The following C2CD5 variants were observed in gnomAD, a reference collection of about 807,000 sequenced individuals.
C2CD5 encodes the protein C2 domain-containing protein 5.
In C2CD5, 109 loss-of-function variants were observed where a neutral mutation model predicts 130.3. The ratio of observed to expected loss-of-function variants is 0.84; its 90% confidence interval spans 0.72 to 0.98. The LOEUF (loss-of-function observed/expected upper bound fraction) is 0.98. Among genes scored for constraint, C2CD5 ranks in the 50% least tolerant of loss-of-function variants. The probability of loss-of-function intolerance (pLI) is 0.00; values close to 1 mark genes in which losing one functional copy is unlikely to be tolerated. For missense variants in C2CD5, 996 were observed against 1,261.8 expected, an observed-to-expected ratio of 0.79 and a Z score of 3.19; for synonymous variants, 454 against 429.2, an observed-to-expected ratio of 1.06 and a Z score of -0.71.
intron 7 of C2CD5, among the ~76,000 whole-genome samples, chr12:22,520,520 A>G (rs1030258993): frequency 1.3e-5 from 2 of 152,176 alleles, no homozygotes; most frequent in Admixed American, 6.5e-5. Flanking sequence ...ATTTACTATA[A>G]TGGATAAAAA....
chr12:22,471,049 A>C (rs1296325667), intron 20 of C2CD5, 138 bp from the exon 21 acceptor site: 1 of 621,102 alleles, frequency 1.6e-6, no homozygotes, highest in Non-Finnish European at 2.9e-6. Flanking sequence ...AATTATGTAT[A>C]AATTCAAATC....
At chr12:22,515,874 T>C (rs1216031678) in intron 8 of C2CD5, among the ~76,000 whole-genome samples, 1 of 151,866 alleles carries the variant, frequency 6.6e-6, no homozygotes, top group Non-Finnish European at 1.5e-5. Context: ...TAAAATCAGG[T>C]GTCAAATCAA....
rs184153736 is a variant in C2CD5, at chr12:22,468,491, T to C, written c.2533+1218A>G. 2.7e-3 allele frequency among the ~76,000 whole-genome samples: 407 copies of C among 152,318 alleles called. 2 individuals are homozygous for C. Among genetic ancestry groups the C allele is most frequent in the Middle Eastern group, 6.8e-3 (2 of 294 alleles). On this transcript the variant is annotated intron_variant, in intron 22 of 26. Transcript: ENST00000446597. ...CCTCAGCCTCTCAAAGTGCTGGGAT[T>C]ACAGGTATGAGCCAACAGGCCCGGC...
intron 10 of C2CD5, among the ~76,000 whole-genome samples, chr12:22,505,950 G>T (rs1187296949): frequency 6.6e-6 from 1 of 152,060 alleles, no homozygotes; most frequent in Non-Finnish European, 1.5e-5. Context: ...TGACAGAGTG[G>T]AATCCCAGCA....
intron 11 of C2CD5, among the ~76,000 whole-genome samples, chr12:22,490,598 G>A (rs1045732377): frequency 1.3e-5 from 2 of 151,980 alleles, no homozygotes; most frequent in Non-Finnish European, 2.9e-5. Flanking sequence ...AAATGTATAT[G>A]AAGTTTTATT....
intron 14 of C2CD5, 75 bp downstream of exon 14, chr12:22,482,482 T>C: frequency 8.1e-7 from 1 of 1,241,394 alleles, no homozygotes; most frequent in Non-Finnish European, 1.1e-6. Flanking sequence ...TTGAAAAGAC[T>C]ATTTGAATCA....
chr12:22,506,931 C>T, intron 9 of C2CD5, 112 bp from the exon 10 acceptor site: 1 of 666,786 alleles, frequency 1.5e-6, no homozygotes, highest in Non-Finnish European at 2.7e-6. Context: ...AATAAAAGGC[C>T]ACCCATTACA....
chr12:22,541,116 A>G (rs1952335184), intron 2 of C2CD5, among the ~76,000 whole-genome samples: 1 of 152,038 alleles, frequency 6.6e-6, no homozygotes. Flanking sequence ...TAACATCTCC[A>G]ATTAAAGACC....
At chr12:22,522,012 G>A (rs1194338428) in intron 7 of C2CD5, among the ~76,000 whole-genome samples, 2 of 152,110 alleles carry the variant, frequency 1.3e-5, no homozygotes, top group Non-Finnish European at 2.9e-5. Context: ...ACAAACTACA[G>A]ACTGCAGTCC....
At chr12:22,530,099 TATATATATATATAC>T (rs1234517189) in intron 3 of C2CD5, among the ~76,000 whole-genome samples, 3 of 113,328 alleles carry the variant, frequency 2.6e-5, no homozygotes, top group Admixed American at 8.5e-5. Flanking sequence ...TATATATATA[TATATATATATATAC>T]ACACACACAC....
chr12:22,472,201 TA>T (rs373390040), intron 18 of C2CD5, 84 bp downstream of exon 18: 36,411 of 577,948 alleles, frequency 0.063, 3 homozygotes, highest in South Asian at 0.092. Context: ...AATAAGGAGG[TA>T]AAAAAAAAAA....
Position 22,544,113 on chromosome 12 carries a change from C to A in C2CD5, c.38G>T (p.Arg13Leu). The change falls in exon 2 of 27, where the codon CGC (arginine) becomes CTC (leucine). Residue 13 changes from arginine (R) to leucine (L), a missense_variant. Arg to Leu is a moderately radical substitution (Grantham distance 102). This residue lies in a region of C2CD5 where 68 missense variants were observed against 154.5 expected (regional missense o/e 0.44). Transcript: ENST00000446597. ...AGCACGGTCCATCACTGGCAAATGGCGCCCGGCCACGATTTTCACCTTCAG... is the reference window on the plus strand; with the variant it reads ...AGCACGGTCCATCACTGGCAAATGGAGCCCGGCCACGATTTTCACCTTCAG... ...GKLKVKIVAG[R>L]HLPVMDRASD... is the part of the protein sequence containing the mutation. 6.2e-7 allele frequency: 1 copy of A among 1,613,874 alleles called. No individual in the cohort carries two copies. The highest frequency in any genetic ancestry group is 8.5e-7 in the Non-Finnish European group (1 of 1,179,898).
intron 8 of C2CD5, 22 bp downstream of exon 8, chr12:22,517,964 A>G: frequency 1.3e-6 from 2 of 1,562,838 alleles, no homozygotes; most frequent in Non-Finnish European, 1.7e-6. Flanking sequence ...GAAAAAATAA[A>G]AGGTGGGTGG....
chr12:22,456,197 T>C (rs183319002), intron 25 of C2CD5, among the ~76,000 whole-genome samples: 1 of 152,328 alleles, frequency 6.6e-6, no homozygotes, highest in East Asian at 1.9e-4. Flanking sequence ...CTAAGTCATC[T>C]TTATAATGAA....
chr12:22,480,407 G>A (rs564314451), intron 14 of C2CD5, among the ~76,000 whole-genome samples: 1 of 152,306 alleles, frequency 6.6e-6, no homozygotes, highest in South Asian at 2.1e-4. Flanking sequence ...AGCTACTCTT[G>A]AGAACTTAGG....
At chr12:22,508,198 T>G (rs1004188912) in intron 9 of C2CD5, among the ~76,000 whole-genome samples, 10 of 152,152 alleles carry the variant, frequency 6.6e-5, no homozygotes, top group African/African-American at 2.2e-4. Flanking sequence ...ATAAAAAAGT[T>G]TCTAAAATTT....
At chr12:22,505,466 C>A (rs185315700) in intron 10 of C2CD5, among the ~76,000 whole-genome samples, 1 of 151,948 alleles carries the variant, frequency 6.6e-6, no homozygotes, top group Middle Eastern at 3.2e-3. Flanking sequence ...CCACTGTGTC[C>A]GGCCACCCTT....
chr12:22,475,121 A>G (rs1340856516), intron 15 of C2CD5, among the ~76,000 whole-genome samples: 2 of 152,146 alleles, frequency 1.3e-5, no homozygotes, highest in Non-Finnish European at 2.9e-5. Context: ...ATAACAAGAT[A>G]AAACTGACAT....
chr12:22,506,454 G>A (rs1421095790), intron 10 of C2CD5, among the ~76,000 whole-genome samples: 1 of 152,122 alleles, frequency 6.6e-6, no homozygotes, highest in African/African-American at 2.4e-5. Flanking sequence ...CTGGGTCAAA[G>A]AAAAGTTATT....
Sources: allele counts gnomAD v4.1 joint callset (sites outside exome capture counted in the v4.1 genomes callset), GRCh38; gene constraint gnomAD v4.1.1; regional missense constraint gnomAD v4.1.1; transcripts MANE v1.5; gene names NCBI Gene and HGNC (gene_info 2026-07-23, HGNC 2026-07-21).